Variants in UNC5C observed in about 807,000 individuals in gnomAD.
The protein encoded by UNC5C is unc-5 netrin receptor C, also known as netrin receptor UNC5C.
UNC5C carries 47 observed loss-of-function variants against 99.8 expected under a neutral mutation model. The ratio of observed to expected loss-of-function variants is 0.47; its 90% CI spans 0.37 to 0.60. The LOEUF is 0.60. Among genes scored for constraint, UNC5C ranks in the 20% least tolerant of loss-of-function variants. The probability of loss-of-function intolerance (pLI) is 0.00; values close to 1 mark genes in which losing one functional copy is unlikely to be tolerated. For missense variants in UNC5C, 1,062 were observed against 1,165.9 expected (o/e 0.91, Z 1.30); for synonymous variants, 487 against 452.2 (o/e 1.08, Z -0.98).
chr4:95,277,858 T>C (rs1432187089), intron 4 of UNC5C, among the ~76,000 whole-genome samples: 1 of 152,168 alleles, frequency 6.6e-6, no homozygotes, highest in African/African-American at 2.4e-5. Flanking sequence ...ATATGTAAGG[T>C]GCACAGGCTC....
At chr4:95,292,251 AT>A (rs1741497658) in intron 3 of UNC5C, among the ~76,000 whole-genome samples, 7 of 145,306 alleles carry the variant, frequency 4.8e-5, no homozygotes, top group African/African-American at 7.5e-5. Flanking sequence ...ATATATATAT[AT>A]ATATATATAT....
intron 1 of UNC5C, among the ~76,000 whole-genome samples, chr4:95,462,338 C>A (rs1747628912): frequency 6.6e-6 from 1 of 152,140 alleles, no homozygotes. Flanking sequence ...GGAATTTATA[C>A]TAACAAATTC....
rs147154198 is a variant in UNC5C, at chr4:95,337,651, C to A, written c.125-2020G>T. ...GTATGGGCAAACTAACTTTGTATTTCCTTAATTTTGACTTTTAAGACAACA... is the reference window on the plus strand; with the variant it reads ...GTATGGGCAAACTAACTTTGTATTTACTTAATTTTGACTTTTAAGACAACA... On this transcript the variant is annotated intron_variant, in intron 1 of 15. Coordinates refer to ENST00000453304, the MANE Select transcript of UNC5C (RefSeq NM_003728.4). Among the ~76,000 whole-genome samples the A allele has an allele frequency of 1.4e-3, 211 of 151,968 alleles. 1 individual carries two copies. The highest frequency in any genetic ancestry group is 4.8e-3 in the African/African-American group (201 of 41,514).
intron 1 of UNC5C, among the ~76,000 whole-genome samples, chr4:95,367,507 G>A (rs887758547): frequency 2.0e-5 from 3 of 151,444 alleles, no homozygotes; most frequent in Admixed American, 6.6e-5. Flanking sequence ...ACTATGCTTT[G>A]TTGCCACTTT....
chr4:95,310,403 T>G (rs1178640920), intron 2 of UNC5C, among the ~76,000 whole-genome samples: 1 of 143,068 alleles, frequency 7.0e-6, no homozygotes, highest in African/African-American at 2.6e-5. Flanking sequence ...TAATGTGTTG[T>G]GTACTTGAAA....
chr4:95,342,860 G>A (rs918444010), intron 1 of UNC5C, among the ~76,000 whole-genome samples: 2 of 151,934 alleles, frequency 1.3e-5, no homozygotes, highest in Non-Finnish European at 2.9e-5. Flanking sequence ...GTGAACATTG[G>A]TGGTAGTCAA....
At chr4:95,482,251 T>C (rs1396733330) in intron 1 of UNC5C, among the ~76,000 whole-genome samples, 5 of 151,178 alleles carry the variant, frequency 3.3e-5, no homozygotes, top group African/African-American at 9.7e-5. Context: ...AAAAGACACA[T>C]GAAAAAATGC....
At chr4:95,436,251 C>A (rs1746784658) in intron 1 of UNC5C, among the ~76,000 whole-genome samples, 1 of 150,840 alleles carries the variant, frequency 6.6e-6, no homozygotes, top group Admixed American at 6.6e-5. Context: ...AAGTAATAAC[C>A]CATAGTATAT....
chr4:95,392,001 G>A (rs1430530210), intron 1 of UNC5C, among the ~76,000 whole-genome samples: 1 of 152,146 alleles, frequency 6.6e-6, no homozygotes, highest in Non-Finnish European at 1.5e-5. Context: ...AGGCTGCAGT[G>A]AGCTGTGTTC....
chr4:95,390,107 T>A (rs1277853050), intron 1 of UNC5C, among the ~76,000 whole-genome samples: 6 of 152,100 alleles, frequency 3.9e-5, no homozygotes, highest in African/African-American at 1.4e-4. Flanking sequence ...GTAAAAAGTA[T>A]CATACTAATT....
Position 95,506,973 on chromosome 4 carries a change from T to C in UNC5C, c.124+41761A>G, listed in dbSNP as rs1001838963. On this transcript the variant is annotated intron_variant, in intron 1 of 15. Transcript: ENST00000453304. ...AATACAAATAACAAATAATAAATAG[T>C]ATGTGCATATACACAGAAACACACA... Among the ~76,000 whole-genome samples, 4 of 151,976 alleles carry C rather than the reference T, an allele frequency of 2.6e-5. No individual in the cohort carries two copies. In the South Asian group the frequency reaches 8.3e-4, roughly 32 times the overall value.
intron 4 of UNC5C, among the ~76,000 whole-genome samples, chr4:95,257,292 T>C (rs1008017740): frequency 1.3e-5 from 2 of 152,094 alleles, no homozygotes; most frequent in Admixed American, 6.6e-5. Context: ...TATTTGCAGC[T>C]ACTTGGGAGG....
At chr4:95,460,193 T>C (rs1177479893) in intron 1 of UNC5C, among the ~76,000 whole-genome samples, 2 of 107,676 alleles carry the variant, frequency 1.9e-5, no homozygotes, top group African/African-American at 3.4e-5. Context: ...ACTGTCCATG[T>C]GGTGTTTTTT....
At chr4:95,272,547 C>A (rs967336747) in intron 4 of UNC5C, among the ~76,000 whole-genome samples, 2 of 152,242 alleles carry the variant, frequency 1.3e-5, no homozygotes, top group Non-Finnish European at 2.9e-5. Context: ...TTTTCCCATA[C>A]TTTTTCACCC....
At chr4:95,354,693 G>T (rs1329308542) in intron 1 of UNC5C, among the ~76,000 whole-genome samples, 1 of 151,874 alleles carries the variant, frequency 6.6e-6, no homozygotes, top group Middle Eastern at 3.4e-3. Flanking sequence ...ATGCTGCCCA[G>T]GGTGGTCTCA....
rs1469054466 is a variant in UNC5C at position 95,301,686 on chromosome 4, G to C, written c.410C>G (p.Pro137Arg). The C allele has an allele frequency of 1.2e-6, 2 of 1,613,482 alleles. No individual in the cohort carries two copies. Among genetic ancestry groups the C allele is most frequent in the Admixed American group, 3.3e-5 (2 of 60,010 alleles). The stretch of plus-strand genomic sequence containing the variant: ...CACACACTGGCACCAGTAATCTTCA[G>C]GTCCAAAGAGTTCTTCCACTTGCTG... ...SRQQVEELFG[P>R]EDYWCQCVAW... Residue 137 changes from proline to arginine, a missense_variant, in exon 3 of 16, where the codon CCT (proline) becomes CGT (arginine). Pro to Arg is a moderately radical substitution (Grantham distance 103). Coordinates refer to ENST00000453304, the MANE Select transcript of UNC5C (RefSeq NM_003728.4).
chr4:95,270,588 G>A (rs1237989486), intron 4 of UNC5C, among the ~76,000 whole-genome samples: 1 of 152,100 alleles, frequency 6.6e-6, no homozygotes, highest in Non-Finnish European at 1.5e-5. Flanking sequence ...TGCTTTTGAG[G>A]GTTGAACATA....
At chr4:95,430,002 G>A (rs915587681) in intron 1 of UNC5C, among the ~76,000 whole-genome samples, 8 of 152,124 alleles carry the variant, frequency 5.3e-5, no homozygotes, top group African/African-American at 1.9e-4. Context: ...CTGGGGGTTA[G>A]TGGGGAGGGA....
chr4:95,336,575 G>T (rs1003953967), intron 1 of UNC5C, among the ~76,000 whole-genome samples: 1 of 151,846 alleles, frequency 6.6e-6, no homozygotes, highest in African/African-American at 2.4e-5. Context: ...TCCTTCAGTT[G>T]TTGCCCTGTG....
Sources: allele counts gnomAD v4.1 joint callset (sites outside exome capture counted in the v4.1 genomes callset), GRCh38; gene constraint gnomAD v4.1.1; transcripts MANE v1.5; gene names NCBI Gene and HGNC (gene_info 2026-07-23, HGNC 2026-07-21).